The following PYGB variants were observed in gnomAD, a reference collection of about 807,000 sequenced individuals.
PYGB encodes the protein glycogen phosphorylase B.
A neutral mutation model predicts 94.3 loss-of-function variants in PYGB; 82 were observed. That is an observed-to-expected ratio of 0.87 (90% CI 0.73 to 1.04). The LOEUF (loss-of-function observed/expected upper bound fraction) is 1.04, where lower values mean the gene tolerates loss of function less well. Among genes scored for constraint, PYGB ranks in the 50% least tolerant of loss-of-function variants. The pLI is 0.00. For missense variants in PYGB, 1,132 were observed against 1,158.2 expected (o/e 0.98, Z 0.33); for synonymous variants, 488 against 479.1 (o/e 1.02, Z -0.24).
At position 25,296,852 on chromosome 20, in the gene PYGB, CTATG is replaced by C. The variant is rs1365796931; in HGVS notation, c.*334_*337del. On this transcript the variant is annotated 3_prime_UTR_variant, in exon 20 of 20. Coordinates refer to ENST00000216962, the MANE Select transcript of PYGB (RefSeq NM_002862.4). ...CCCCCAGAACTTTGCACACATCTTGCTATGTATTAGCCGATGTCTTTAGTGTTGA... is the reference window on the plus strand; with the variant it reads ...CCCCCAGAACTTTGCACACATCTTGCTATTAGCCGATGTCTTTAGTGTTGA... The C allele has an allele frequency of 6.3e-6, 2 of 319,284 alleles. No individual in the cohort carries two copies. The highest frequency in any genetic ancestry group is 4.3e-5 in the African/African-American group (2 of 46,204). 19.8% of individuals were successfully genotyped at this position (319,284 alleles called of 1,614,324 possible). A position where few individuals can be genotyped will look rare whatever the true frequency, so the allele number is the denominator to read the frequency against.
At chr20:25,261,968 T>C (rs757538856) in intron 2 of PYGB, among the ~76,000 whole-genome samples, 2 of 151,920 alleles carry the variant, frequency 1.3e-5, no homozygotes, top group Non-Finnish European at 2.9e-5. Context: ...CTCCAAGAAA[T>C]ATGGGACTAT....
rs1456185890 is a variant in PYGB at position 25,284,244 on chromosome 20, G to C, written c.1761G>C (p.Leu587=). The C allele has an allele frequency of 6.2e-7, 1 of 1,613,240 alleles. No individual in the cohort carries two copies. Among genetic ancestry groups the C allele is most frequent in the Admixed American group, 1.7e-5 (1 of 59,966 alleles). Residue 587 remains leucine, a synonymous_variant, in exon 14 of 20, where the codon CTG becomes CTC. Coordinates refer to ENST00000216962, the MANE Select transcript of PYGB (RefSeq NM_002862.4). The stretch of plus-strand genomic sequence containing the variant: ...TCAACTGCCTGCACGTCGTCACCCT[G>C]TACAATCGTGAGTGCCGGCATCACC... ...QLLNCLHVVT[L]YNRIKRDPAK...
chr20:25,294,277 T>C lies in PYGB; in HGVS notation c.2297T>C (p.Leu766Pro), dbSNP rs778385568. The change falls in exon 18 of 20, where the codon CTG (leucine) becomes CCG (proline). Residue 766 changes from leucine (L) to proline (P), a missense_variant. Physicochemically the swap from Leu to Pro is moderately conservative, Grantham distance 98. Coordinates refer to ENST00000216962, the MANE Select transcript of PYGB (RefSeq NM_002862.4). ...TGCTTCAAGGACATCGTGAACATGC[T>C]GATGCACCATGACAGGTGGGACCGA... ...PDCFKDIVNM[L>P]MHHDRFKVFA... is the part of the protein sequence containing the mutation. 6.3e-7 allele frequency: 1 copy of C among 1,588,750 alleles called. No individual in the cohort carries two copies.
chr20:25,250,335 T>C (rs2092884190), intron 1 of PYGB, among the ~76,000 whole-genome samples: 1 of 152,154 alleles, frequency 6.6e-6, no homozygotes, highest in African/African-American at 2.4e-5. Flanking sequence ...GAAATGACCT[T>C]CATGAACAAG....
intron 13 of PYGB, 100 bp downstream of exon 13, chr20:25,283,377 G>A: frequency 1.1e-5 from 11 of 1,033,712 alleles, no homozygotes; most frequent in Non-Finnish European, 1.4e-5. Flanking sequence ...CAGGTCCTGG[G>A]GTACCCACTG....
At chr20:25,282,597 C>G (rs1160471384) in intron 12 of PYGB, among the ~76,000 whole-genome samples, 1 of 152,200 alleles carries the variant, frequency 6.6e-6, no homozygotes, top group Non-Finnish European at 1.5e-5. Context: ...GTCAGGGAAG[C>G]CTTCCCAGGA....
At position 25,251,276 on chromosome 20, in the gene PYGB, G is replaced by A. The variant is rs535729215; in HGVS notation, c.243+2855G>A. ...GGATTGCGCTGCATGGAGAAGAAAG[G>A]GTGTGCGTGATTCCACGCTCCTTTT... On this transcript the variant is annotated intron_variant, in intron 1 of 19. Transcript: ENST00000216962. 2.0e-5 allele frequency: 3 copies of A among 152,320 alleles called. No homozygotes were observed. The South Asian group carries it at 6.2e-4, about 32-fold the overall frequency. 9.4% of individuals were successfully genotyped at this position (152,320 alleles called of 1,614,324 possible).
intron 18 of PYGB, chr20:25,294,965 G>C: frequency 6.2e-7 from 1 of 1,614,122 alleles, no homozygotes; most frequent in Non-Finnish European, 8.5e-7. Context: ...GTCACCTGTT[G>C]GCTTCAGTCA....
At chr20:25,290,819 G>A (rs751903382) in intron 16 of PYGB, among the ~76,000 whole-genome samples, 197 bp downstream of exon 16, 4 of 152,150 alleles carry the variant, frequency 2.6e-5, no homozygotes, top group African/African-American at 4.8e-5. Context: ...AGTGCGTCCC[G>A]GGGCGCCTTG....
chr20:25,292,335 C>A, intron 16 of PYGB, 71 bp from the exon 17 acceptor site: 1 of 1,554,436 alleles, frequency 6.4e-7, no homozygotes, highest in African/African-American at 1.4e-5. Flanking sequence ...CCGGCTTGTC[C>A]TGCAGTGAGC....
intron 15 of PYGB, among the ~76,000 whole-genome samples, chr20:25,289,509 G>A (rs1336077534): frequency 6.6e-6 from 1 of 152,084 alleles, no homozygotes; most frequent in Non-Finnish European, 1.5e-5. Flanking sequence ...AGCTGGGCGT[G>A]GTGGTTCATG....
chr20:25,263,104 C>T (rs2092917333), intron 2 of PYGB, among the ~76,000 whole-genome samples: 1 of 150,390 alleles, frequency 6.6e-6, no homozygotes, highest in African/African-American at 2.5e-5. Context: ...CTCAGCTCTG[C>T]ACCAAGCGGA....
chr20:25,280,514 C>T (rs772443720), intron 10 of PYGB, 102 bp downstream of exon 10: 37 of 1,448,834 alleles, frequency 2.6e-5, no homozygotes, highest in Admixed American at 5.4e-5. Flanking sequence ...TTGAACGAGG[C>T]ACCCTCTGTT....
chr20:25,292,383 C>T (rs774169142), intron 16 of PYGB, 23 bp from the exon 17 acceptor site: 1 of 1,609,526 alleles, frequency 6.2e-7, no homozygotes, highest in South Asian at 1.1e-5. Context: ...ACAGTGATCC[C>T]CTCCACGGGC....
intron 5 of PYGB, 59 bp downstream of exon 5, chr20:25,274,782 C>T: frequency 6.3e-7 from 1 of 1,582,298 alleles, no homozygotes; most frequent in Non-Finnish European, 8.6e-7. Flanking sequence ...GCTGCTGCGG[C>T]TCATTTGTAG....
intron 13 of PYGB, 85 bp from the exon 14 acceptor site, chr20:25,284,019 C>T (rs1442349448): frequency 1.3e-6 from 2 of 1,528,762 alleles, no homozygotes; most frequent in Non-Finnish European, 1.8e-6. Flanking sequence ...GCACTCTTCA[C>T]AGGGCACTTG....
intron 14 of PYGB, among the ~76,000 whole-genome samples, chr20:25,286,577 A>G (rs1260943632): frequency 6.6e-6 from 1 of 151,994 alleles, no homozygotes; most frequent in Admixed American, 6.5e-5. Context: ...GGCTATTCGG[A>G]ATAGGCTTCT....
intron 1 of PYGB, among the ~76,000 whole-genome samples, chr20:25,256,879 G>A (rs1289778122): frequency 6.6e-6 from 1 of 152,152 alleles, no homozygotes; most frequent in Non-Finnish European, 1.5e-5. Flanking sequence ...GTTTTTTTCA[G>A]AACTGCCACT....
At chr20:25,283,024 T>A in intron 12 of PYGB, 152 bp from the exon 13 acceptor site, 1 of 635,312 alleles carries the variant, frequency 1.6e-6, no homozygotes, top group Non-Finnish European at 2.8e-6. Context: ...GGTAACCCTG[T>A]GGCCTGAGAG....
Sources: gnomAD v4.1 joint callset for allele counts (sites outside exome capture counted in the v4.1 genomes callset) on GRCh38, gnomAD v4.1.1 for gene constraint, MANE v1.5 for transcripts, NCBI Gene and HGNC (gene_info 2026-07-23, HGNC 2026-07-21) for gene names.